The following ADAMTSL1 variants were observed in gnomAD, a reference collection of about 807,000 sequenced individuals.
The protein encoded by ADAMTSL1 is ADAMTS-like protein 1.
ADAMTSL1 carries 126 observed loss-of-function variants against 201.8 expected under a neutral mutation model. That is an observed-to-expected ratio of 0.62 (90% CI 0.54 to 0.72). The LOEUF (loss-of-function observed/expected upper bound fraction) is 0.72. ADAMTSL1 is among the 30% of genes least tolerant of loss of function. ADAMTSL1 has a pLI of 0.00. For missense variants in ADAMTSL1, 2,679 were observed against 2,277.8 expected (o/e 1.18, Z -3.59); for synonymous variants, 1,121 against 903.4 (o/e 1.24, Z -4.32).
At chr9:17,962,908 G>A (rs778215239) in intron 1 of ADAMTSL1, among the ~76,000 whole-genome samples, 6 of 152,166 alleles carry the variant, frequency 3.9e-5, no homozygotes, top group Non-Finnish European at 7.3e-5. Context: ...AGTAATTGTC[G>A]GTTGGTATTC....
intron 13 of ADAMTSL1, among the ~76,000 whole-genome samples, chr9:18,689,103 A>T (rs572237972): frequency 6.6e-6 from 1 of 152,252 alleles, no homozygotes; most frequent in East Asian, 1.9e-4. Flanking sequence ...AACTCTCAAA[A>T]GTGTACATTT....
rs374823405 is a variant in ADAMTSL1, at chr9:18,447,429, T to C, written c.208-57400T>C. ...TTCATGCCCTTGGTGTCATTACTCA[T>C]TGAAATAATGGGGAAAATGAGAGCC... On this transcript the variant is annotated intron_variant, in intron 2 of 29. Transcript: ENST00000680146. Among the ~76,000 whole-genome samples, 28 of 152,168 alleles carry C rather than the reference T, an allele frequency of 1.8e-4. No individual in the cohort carries two copies. In the East Asian group the frequency reaches 2.7e-3, roughly 15 times the overall value.
intron 2 of ADAMTSL1, among the ~76,000 whole-genome samples, chr9:18,336,666 A>G (rs996604136): frequency 6.6e-6 from 1 of 152,068 alleles, no homozygotes; most frequent in African/African-American, 2.4e-5. Context: ...AGTAAAAGGA[A>G]CTCGGCAACT....
intron 4 of ADAMTSL1, among the ~76,000 whole-genome samples, chr9:18,595,851 C>G (rs1423612202): frequency 6.6e-6 from 1 of 152,178 alleles, no homozygotes; most frequent in Non-Finnish European, 1.5e-5. Context: ...AACCCAGAAG[C>G]AAGTTTGGCA....
At chr9:18,167,855 A>C (rs976714464) in intron 2 of ADAMTSL1, among the ~76,000 whole-genome samples, 1 of 151,934 alleles carries the variant, frequency 6.6e-6, no homozygotes, top group African/African-American at 2.4e-5. Flanking sequence ...CATAAATTCA[A>C]AGAAAATAGA....
At chr9:18,452,188 C>G (rs1305152373) in intron 2 of ADAMTSL1, among the ~76,000 whole-genome samples, 1 of 152,178 alleles carries the variant, frequency 6.6e-6, no homozygotes, top group Non-Finnish European at 1.5e-5. Flanking sequence ...GCTGGGATTA[C>G]AGGCATGAGC....
chr9:18,487,304 C>G (rs968021925), intron 1 of ADAMTSL1, among the ~76,000 whole-genome samples: 1 of 152,176 alleles, frequency 6.6e-6, no homozygotes, highest in African/African-American at 2.4e-5. Context: ...TAATTATAAA[C>G]GAATAGTCTC....
chr9:18,232,642 G>A (rs1487533243), intron 2 of ADAMTSL1, among the ~76,000 whole-genome samples: 1 of 152,154 alleles, frequency 6.6e-6, no homozygotes, highest in African/African-American at 2.4e-5. Context: ...TCTGTAGTTA[G>A]ACCTCTAGAG....
At chr9:18,337,996 A>T (rs1835312942) in intron 2 of ADAMTSL1, among the ~76,000 whole-genome samples, 1 of 152,108 alleles carries the variant, frequency 6.6e-6, no homozygotes, top group East Asian at 1.9e-4. Context: ...GGGGCAAAAG[A>T]TGAAGGGGTA....
At chr9:18,367,481 G>A (rs935102093) in intron 2 of ADAMTSL1, among the ~76,000 whole-genome samples, 1 of 151,754 alleles carries the variant, frequency 6.6e-6, no homozygotes, top group African/African-American at 2.4e-5. Flanking sequence ...TTTGCTAGCT[G>A]TGAAACTGGG....
chr9:17,991,479 T>C (rs747853533), intron 1 of ADAMTSL1, among the ~76,000 whole-genome samples: 15 of 152,128 alleles, frequency 9.9e-5, no homozygotes, highest in Non-Finnish European at 1.8e-4. Flanking sequence ...TTGATGCTAC[T>C]GAGATCCCAG....
chr9:18,255,283 A>G (rs1563838253), intron 2 of ADAMTSL1, among the ~76,000 whole-genome samples: 2 of 152,136 alleles, frequency 1.3e-5, no homozygotes, highest in African/African-American at 2.4e-5. Context: ...TTTACCTTGT[A>G]GCAGGCGTAT....
At chr9:18,346,253 A>G (rs17202079) in intron 2 of ADAMTSL1, among the ~76,000 whole-genome samples, 12,853 of 152,186 alleles carry the variant, frequency 0.084, 743 homozygotes, top group Middle Eastern at 0.14. Context: ...TTTGCCTATT[A>G]ATGTTCCTAG....
intron 1 of ADAMTSL1, among the ~76,000 whole-genome samples, chr9:18,120,389 C>T (rs538735571): frequency 6.6e-6 from 1 of 152,290 alleles, no homozygotes; most frequent in African/African-American, 2.4e-5. Context: ...GTTCATCACA[C>T]ACCATTCCTG....
intron 2 of ADAMTSL1, among the ~76,000 whole-genome samples, chr9:18,361,296 C>G (rs1836508369): frequency 6.6e-6 from 1 of 152,130 alleles, no homozygotes; most frequent in Non-Finnish European, 1.5e-5. Flanking sequence ...GAGGAATCAT[C>G]TATAATTATT....
intron 19 of ADAMTSL1, among the ~76,000 whole-genome samples, chr9:18,786,596 G>C (rs2133803465): frequency 6.6e-6 from 1 of 152,322 alleles, no homozygotes; most frequent in Middle Eastern, 3.4e-3. Context: ...TCATTTGCCA[G>C]TATCCAAAAT....
chr9:18,606,406 G>A (rs981492464), intron 4 of ADAMTSL1, among the ~76,000 whole-genome samples: 4 of 152,126 alleles, frequency 2.6e-5, no homozygotes, highest in Non-Finnish European at 5.9e-5. Flanking sequence ...TGATTGAGAT[G>A]TAGTGGGCTA....
At chr9:18,124,077 G>GT (rs1157492042) in intron 1 of ADAMTSL1, among the ~76,000 whole-genome samples, 25,313 of 70,864 alleles carry the variant, frequency 0.36, 4,675 homozygotes, top group South Asian at 0.44. Flanking sequence ...TTATTTGCCA[G>GT]TTTTTTTTTT....
chr9:18,147,922 GGC>G (rs1826720611), intron 1 of ADAMTSL1, among the ~76,000 whole-genome samples: 1 of 152,060 alleles, frequency 6.6e-6, no homozygotes, highest in Non-Finnish European at 1.5e-5. Context: ...GCTTCTCTTT[GGC>G]ATTTTAGGAA....
Sources: allele counts gnomAD v4.1 joint callset (sites outside exome capture counted in the v4.1 genomes callset), GRCh38; gene constraint gnomAD v4.1.1; transcripts MANE v1.5; gene names NCBI Gene and HGNC (gene_info 2026-07-23, HGNC 2026-07-21).